Variants in FAM13A observed in about 807,000 individuals in gnomAD.
FAM13A encodes protein FAM13A.
FAM13A carries 76 observed loss-of-function variants against 129.6 expected under a neutral mutation model. The ratio of observed to expected loss-of-function variants is 0.59; its 90% CI spans 0.49 to 0.71. The LOEUF is 0.71. FAM13A is among the 30% of genes least tolerant of loss of function. FAM13A has a pLI of 0.00. For synonymous variants in FAM13A, 443 were observed against 449.9 expected (o/e 0.98, Z 0.20); for missense variants, 1,108 against 1,249.3 (o/e 0.89, Z 1.70).
chr4:89,054,525 GTC>G (rs997007762), intron 1 of FAM13A, among the ~76,000 whole-genome samples: 1 of 152,034 alleles, frequency 6.6e-6, no homozygotes, highest in Non-Finnish European at 1.5e-5. Flanking sequence ...CAGAACCAAG[GTC>G]TCTCTCTGCC....
chr4:88,924,108 C>T (rs914790972), intron 5 of FAM13A, among the ~76,000 whole-genome samples: 11 of 152,222 alleles, frequency 7.2e-5, no homozygotes, highest in South Asian at 2.1e-4. Flanking sequence ...GAATCAATAT[C>T]GTGAAAATGG....
At chr4:89,008,025 C>G (rs1037773778) in intron 3 of FAM13A, among the ~76,000 whole-genome samples, 1 of 151,288 alleles carries the variant, frequency 6.6e-6, no homozygotes, top group Non-Finnish European at 1.5e-5. Context: ...TTATTTTAAA[C>G]TTTTTCCTTA....
chr4:88,934,262 A>G (rs997210557), intron 5 of FAM13A, among the ~76,000 whole-genome samples: 3 of 151,934 alleles, frequency 2.0e-5, no homozygotes, highest in Admixed American at 2.0e-4. Context: ...CATACTACAT[A>G]TTTTCTTTTC....
chr4:88,907,298 T>C (rs1369676117), intron 5 of FAM13A, among the ~76,000 whole-genome samples: 1 of 152,198 alleles, frequency 6.6e-6, no homozygotes, highest in Non-Finnish European at 1.5e-5. Context: ...TTTTCACTTA[T>C]TCCATAATCC....
chr4:88,762,828 A>G (rs1745058150), intron 13 of FAM13A, among the ~76,000 whole-genome samples: 1 of 152,082 alleles, frequency 6.6e-6, no homozygotes, highest in Non-Finnish European at 1.5e-5. Context: ...AAATATAAAA[A>G]TATTTTTGGT....
chr4:88,880,514 A>G (rs936824022), intron 6 of FAM13A, among the ~76,000 whole-genome samples: 17 of 152,048 alleles, frequency 1.1e-4, no homozygotes, highest in African/African-American at 2.7e-4. Context: ...AACTGGGAAA[A>G]AAAACCACAG....
rs1768345376 is a variant in FAM13A, at chr4:89,028,948, C to T, written c.217+512G>A. Reference sequence around the variant, plus strand: ...ACTATATTATTCTCCAAATGTTTTACATGCTTTATCATTCCAAAAATAAGT... The same window carrying T: ...ACTATATTATTCTCCAAATGTTTTATATGCTTTATCATTCCAAAAATAAGT... On this transcript the variant is annotated intron_variant, in intron 2 of 23. Transcript: ENST00000264344. Among the ~76,000 whole-genome samples, 3 of 88,850 alleles carry T rather than the reference C, an allele frequency of 3.4e-5. No individual in the cohort carries two copies. In the South Asian group the frequency reaches 9.8e-4, roughly 29 times the overall value. 58.3% of individuals were successfully genotyped at this position (88,850 alleles called of 152,430 possible).
rs555984939 is a variant in FAM13A at position 88,893,350 on chromosome 4, T to C, written c.843+13029A>G. On this transcript the variant is annotated intron_variant, in intron 6 of 23. Coordinates refer to ENST00000264344, the MANE Select transcript of FAM13A (RefSeq NM_014883.4). ...ACAATAAGAAACAGTTCAGGCTGGG[T>C]GCAGTGGCTCACGCCTTTAATCCCA... Among the ~76,000 whole-genome samples, 17 of 152,290 alleles carry C rather than the reference T, an allele frequency of 1.1e-4. No individual in the cohort carries two copies. The South Asian group carries it at 1.7e-3, about 15-fold the overall frequency.
chr4:88,758,450 A>AG (rs1041655182), intron 14 of FAM13A, among the ~76,000 whole-genome samples: 3 of 151,688 alleles, frequency 2.0e-5, no homozygotes, highest in African/African-American at 7.3e-5. Context: ...TGGTACTATG[A>AG]GGGGGAAAAG....
intron 3 of FAM13A, among the ~76,000 whole-genome samples, chr4:89,003,185 G>C (rs1764494594): frequency 6.7e-6 from 1 of 148,422 alleles, no homozygotes; most frequent in Non-Finnish European, 1.5e-5. Flanking sequence ...AGTGGGAGCA[G>C]AAAATAAAAA....
intron 1 of FAM13A, among the ~76,000 whole-genome samples, chr4:89,034,147 C>T (rs1175298167): frequency 3.3e-5 from 5 of 152,082 alleles, no homozygotes; most frequent in African/African-American, 9.7e-5. Context: ...AACAGACAGC[C>T]TACAGAATGG....
intron 23 of FAM13A, chr4:88,729,770 T>C (rs1216856474): frequency 1.3e-5 from 2 of 152,206 alleles, no homozygotes; most frequent in Admixed American, 6.5e-5. Flanking sequence ...CCTGGGTGGT[T>C]TGCGTAATTC....
chr4:88,747,562 G>T, intron 18 of FAM13A, 69 bp downstream of exon 18: 2 of 1,262,528 alleles, frequency 1.6e-6, no homozygotes, highest in Non-Finnish European at 2.3e-6. Context: ...GATTCACGTG[G>T]CATGCCCTGT....
intron 15 of FAM13A, 127 bp from the exon 16 acceptor site, chr4:88,750,036 C>T: frequency 1.2e-6 from 1 of 853,358 alleles, no homozygotes; most frequent in South Asian, 1.7e-5. Context: ...GACAAAACAG[C>T]CTCTCTCCTC....
intron 5 of FAM13A, among the ~76,000 whole-genome samples, chr4:88,923,408 C>A (rs1751479535): frequency 6.6e-6 from 1 of 152,142 alleles, no homozygotes; most frequent in African/African-American, 2.4e-5. Context: ...AAACGCAAAT[C>A]AATAAATGTA....
intron 1 of FAM13A, among the ~76,000 whole-genome samples, chr4:89,051,892 T>TGC (rs1415999996): frequency 6.6e-6 from 1 of 152,212 alleles, no homozygotes; most frequent in Non-Finnish European, 1.5e-5. Flanking sequence ...CACTGGGACC[T>TGC]GCCTCCACAT....
At position 88,781,155 on chromosome 4, in the gene FAM13A, A is replaced by T. The variant is rs1486406047; in HGVS notation, c.1458+10T>A. On this transcript the variant is annotated intron_variant, in intron 11 of 23. Transcript: ENST00000264344. Reference sequence around the variant, plus strand: ...CTAACAAGTAAAACTTTATAGACGTATTCACTTACCACAAGACCGTCCTGA... The same window carrying T: ...CTAACAAGTAAAACTTTATAGACGTTTTCACTTACCACAAGACCGTCCTGA... The T allele has an allele frequency of 6.4e-7, 1 of 1,555,666 alleles. No individual in the cohort carries two copies. Among genetic ancestry groups the T allele is most frequent in the African/African-American group, 1.4e-5 (1 of 72,606 alleles).
intron 5 of FAM13A, among the ~76,000 whole-genome samples, chr4:88,922,457 T>A (rs1288004139): frequency 2.6e-4 from 38 of 148,928 alleles, no homozygotes; most frequent in African/African-American, 8.4e-4. Flanking sequence ...GACTACTGGG[T>A]ACATAACGAA....
chr4:88,846,067 A>G (rs933140254), intron 7 of FAM13A, among the ~76,000 whole-genome samples: 1 of 152,176 alleles, frequency 6.6e-6, no homozygotes, highest in African/African-American at 2.4e-5. Flanking sequence ...GAAAATAAAA[A>G]CATTTAATAT....
Sources: gnomAD v4.1 joint callset for allele counts (sites outside exome capture counted in the v4.1 genomes callset) on GRCh38, gnomAD v4.1.1 for gene constraint, MANE v1.5 for transcripts, NCBI Gene and HGNC (gene_info 2026-07-23, HGNC 2026-07-21) for gene names.